The following ARHGEF17 variants were observed in gnomAD, a reference collection of about 807,000 sequenced individuals.
ARHGEF17 encodes 164 kDa Rho-specific guanine-nucleotide exchange factor.
In ARHGEF17, 80 loss-of-function variants were observed where a neutral mutation model predicts 174.0. The ratio of observed to expected loss-of-function variants is 0.46; its 90% CI spans 0.38 to 0.55. The LOEUF is 0.55. Among genes scored for constraint, ARHGEF17 ranks in the 20% least tolerant of loss-of-function variants. The pLI is 0.00. For synonymous variants in ARHGEF17, 1,311 were observed against 1,189.1 expected (o/e 1.10, Z -2.11); for missense variants, 2,886 against 2,839.7 (o/e 1.02, Z -0.37).
At chr11:73,346,851 C>A in intron 1 of ARHGEF17, 32 bp from the exon 2 acceptor site, 4 of 1,429,356 alleles carry the variant, frequency 2.8e-6, no homozygotes, top group Non-Finnish European at 3.7e-6. Context: ...GGGAAAAAGA[C>A]CCCTGTTCAC....
rs58715441 is a variant in ARHGEF17 at position 73,308,366 on chromosome 11, C to T, written c.-273C>T. 5.1e-4 allele frequency: 185 copies of T among 364,538 alleles called. 1 individual carries two copies. The highest frequency in any genetic ancestry group is 3.8e-3 in the African/African-American group (179 of 47,718). The allele number at this position is 364,538 out of a possible 1,614,324, so 22.6% of individuals were successfully genotyped here. On this transcript the variant is annotated 5_prime_UTR_variant, in exon 1 of 21. Transcript: ENST00000263674. ...CGCTGGGATCCCGCCCAGGCGGTGC[C>T]GCGGTGCCCCTGGTCGCTCCAGCCG...
At chr11:73,337,672 A>G (rs1253507654) in intron 1 of ARHGEF17, among the ~76,000 whole-genome samples, 2 of 152,072 alleles carry the variant, frequency 1.3e-5, no homozygotes, top group African/African-American at 4.8e-5. Flanking sequence ...CTCCTGCCTC[A>G]GCCTCCCAAA....
intron 9 of ARHGEF17, among the ~76,000 whole-genome samples, chr11:73,358,453 C>CTTTTTTTTT: frequency 1.1e-5 from 1 of 93,296 alleles, no homozygotes; most frequent in Non-Finnish European, 2.0e-5. Flanking sequence ...AGGTCCGCCT[C>CTTTTTTTTT]TTTTTTTTTT....
At chr11:73,345,618 C>G (rs149910083) in intron 1 of ARHGEF17, among the ~76,000 whole-genome samples, 198 of 152,232 alleles carry the variant, frequency 1.3e-3, no homozygotes, top group African/African-American at 4.3e-3. Flanking sequence ...GAGTTCCTAC[C>G]CTGAAGGACT....
intron 1 of ARHGEF17, among the ~76,000 whole-genome samples, chr11:73,333,283 C>T (rs1177041499): frequency 1.3e-5 from 2 of 152,172 alleles, no homozygotes; most frequent in Non-Finnish European, 2.9e-5. Flanking sequence ...TGGCCTTGTC[C>T]TGGGCCTCAG....
intron 9 of ARHGEF17, among the ~76,000 whole-genome samples, chr11:73,359,001 C>T (rs1464473167): frequency 1.3e-5 from 2 of 152,204 alleles, no homozygotes; most frequent in Non-Finnish European, 2.9e-5. Flanking sequence ...CAGGCTGCCT[C>T]TCACCCCCAC....
At chr11:73,360,729 T>G (rs1865724594) in intron 11 of ARHGEF17, among the ~76,000 whole-genome samples, 196 bp downstream of exon 11, 1 of 152,202 alleles carries the variant, frequency 6.6e-6, no homozygotes, top group East Asian at 1.9e-4. Flanking sequence ...AGGGAGGGGA[T>G]TCCATGGATA....
At position 73,365,122 on chromosome 11, in the gene ARHGEF17, A is replaced by G; in HGVS notation, c.5551-268A>G. 4 of 454,812 alleles carry G rather than the reference A, an allele frequency of 8.8e-6. No individual in the cohort carries two copies. Among genetic ancestry groups the G allele is most frequent in the East Asian group, 4.1e-5 (1 of 24,436 alleles). The allele number at this position is 454,812 out of a possible 1,614,324, so 28.2% of individuals were successfully genotyped here. On this transcript the variant is annotated intron_variant, in intron 18 of 20. Coordinates refer to ENST00000263674, the MANE Select transcript of ARHGEF17 (RefSeq NM_014786.4). This position sits in a 1 kb window ranked among gnomAD's most constrained non-coding sequence, Gnocchi z 4.9. Reference sequence around the variant, plus strand: ...TCAGCTTCCCCACCTGTCCAGGGGGAGGCCAGTGACTGATTTTAGAACCCT... The same window carrying G: ...TCAGCTTCCCCACCTGTCCAGGGGGGGGCCAGTGACTGATTTTAGAACCCT...
chr11:73,309,277 T>C lies in ARHGEF17; in HGVS notation c.639T>C (p.Gly213=). 6.2e-7 allele frequency: 1 copy of C among 1,610,594 alleles called. No individual in the cohort carries two copies. Among genetic ancestry groups the C allele is most frequent in the Non-Finnish European group, 8.5e-7 (1 of 1,178,942 alleles). ...QQERAQRPAD[G]LHSWHIFSQP... ...AGCGGGCGCAGCGTCCAGCGGATGG[T>C]TTACATTCTTGGCATATCTTCTCCC... is the stretch of plus-strand genomic sequence containing the variant. Residue 213 remains glycine (G), a synonymous_variant, in exon 1 of 21, where the codon GGT becomes GGC. Transcript: ENST00000263674.
chr11:73,353,227 GC>G, intron 3 of ARHGEF17: 1 of 631,620 alleles, frequency 1.6e-6, no homozygotes, highest in South Asian at 2.0e-5. Context: ...CCAGACTCTG[GC>G]ACGGACTCCG....
In ARHGEF17 at chr11:73,310,600, T is replaced by C; in HGVS notation, c.1962T>C (p.Pro654=). Reference sequence around the variant, plus strand: ...AAGGCATTGGGGCAGACCCTGAGCCTCCTGTTGCAGCATTTTGCGGCCTGG... The same window carrying C: ...AAGGCATTGGGGCAGACCCTGAGCCCCCTGTTGCAGCATTTTGCGGCCTGG... ...TDEGIGADPE[P]PVAAFCGLGT... Residue 654 remains proline, a synonymous_variant, in exon 1 of 21, where the codon CCT becomes CCC. Transcript: ENST00000263674. 1 of 1,614,100 alleles carries C rather than the reference T, an allele frequency of 6.2e-7. No homozygotes were observed. The highest frequency in any genetic ancestry group is 8.5e-7 in the Non-Finnish European group (1 of 1,180,012).
intron 12 of ARHGEF17, among the ~76,000 whole-genome samples, 174 bp downstream of exon 12, chr11:73,361,335 A>G (rs989910649): frequency 1.3e-5 from 2 of 152,194 alleles, no homozygotes; most frequent in African/African-American, 4.8e-5. Context: ...ACATGTACAC[A>G]TGTATATGGG....
At position 73,309,679 on chromosome 11, in the gene ARHGEF17, C is replaced by T; in HGVS notation, c.1041C>T (p.Gly347=). 1.9e-6 allele frequency: 3 copies of T among 1,613,078 alleles called. No individual in the cohort carries two copies. The highest frequency in any genetic ancestry group is 2.2e-5 in the East Asian group (1 of 44,884). ...AAGGACTCCGGGAGTGGGGTAGTGGCTCTCCGCCCTGCGTCCCAGGTCCCC... is the reference window on the plus strand; with the variant it reads ...AAGGACTCCGGGAGTGGGGTAGTGGTTCTCCGCCCTGCGTCCCAGGTCCCC... ...REEGLREWGS[G]SPPCVPGPQE... Residue 347 remains glycine (G), a synonymous_variant, in exon 1 of 21, where the codon GGC becomes GGT. Transcript: ENST00000263674.
At chr11:73,356,454 C>T in intron 6 of ARHGEF17, 103 bp downstream of exon 6, 1 of 1,389,102 alleles carries the variant, frequency 7.2e-7, no homozygotes, top group Non-Finnish European at 9.7e-7. Flanking sequence ...TGGCTGTGTC[C>T]ATGTCCGGAA....
At chr11:73,316,318 C>G (rs998533378) in intron 1 of ARHGEF17, among the ~76,000 whole-genome samples, 13 of 152,190 alleles carry the variant, frequency 8.5e-5, no homozygotes, top group African/African-American at 3.1e-4. Context: ...ACATGTCAGG[C>G]CTTCTAGGCC....
intron 1 of ARHGEF17, among the ~76,000 whole-genome samples, chr11:73,339,818 C>T (rs1431430735): frequency 2.0e-5 from 3 of 152,134 alleles, no homozygotes; most frequent in African/African-American, 7.2e-5. Flanking sequence ...CTTTCCTTCT[C>T]TGACTAAAGA....
At chr11:73,346,825 G>C in intron 1 of ARHGEF17, 58 bp from the exon 2 acceptor site, 1 of 1,337,894 alleles carries the variant, frequency 7.5e-7, no homozygotes, top group Middle Eastern at 2.0e-4. Flanking sequence ...TGTGGCTACA[G>C]GTGATGGGGT....
Position 73,357,313 on chromosome 11 carries a change from C to G in ARHGEF17, c.4073C>G (p.Ala1358Gly). The G allele has an allele frequency of 6.2e-7, 1 of 1,613,904 alleles. No individual in the cohort carries two copies. Among genetic ancestry groups the G allele is most frequent in the Admixed American group, 1.7e-5 (1 of 59,982 alleles). ...CTGTGGAAGCTGCCGCTGGAAGACG[C>G]AGACATCATCAAAGGTGGGTTTGAT... The part of the protein sequence containing the change: ...KMLWKLPLED[A>G]DIIKGASQAT... The change falls in exon 9 of 21, where the codon GCA becomes GGA. Residue 1358 changes from alanine to glycine, a missense_variant. Coordinates refer to ENST00000263674, the MANE Select transcript of ARHGEF17 (RefSeq NM_014786.4).
chr11:73,364,040 A>G, intron 16 of ARHGEF17, 132 bp from the exon 17 acceptor site: 2 of 1,095,218 alleles, frequency 1.8e-6, no homozygotes, highest in African/African-American at 1.6e-5. Flanking sequence ...GGCAACCCCC[A>G]CCTGGAGAAC....
Sources: allele counts gnomAD v4.1 joint callset (sites outside exome capture counted in the v4.1 genomes callset), GRCh38; gene constraint gnomAD v4.1.1; non-coding constraint Gnocchi (gnomAD v3.1); transcripts MANE v1.5; gene names NCBI Gene and HGNC (gene_info 2026-07-23, HGNC 2026-07-21).